The following RASGRP3 variants were observed in gnomAD, a reference collection of about 807,000 sequenced individuals.
The protein encoded by RASGRP3 is RAS guanyl releasing protein 3, also known as ras guanyl-releasing protein 3.
RASGRP3 carries 54 observed loss-of-function variants against 82.7 expected under a neutral mutation model. The observed-to-expected ratio is 0.65, with a 90% CI of 0.52 to 0.82. The LOEUF is 0.82. Ranked by LOEUF, RASGRP3 falls within the 40% of genes least tolerant of loss-of-function variation. RASGRP3 has a pLI of 0.00. For missense variants in RASGRP3, 861 were observed against 828.9 expected (o/e 1.04, Z -0.48); for synonymous variants, 309 against 300.5 (o/e 1.03, Z -0.29).
chr2:33,493,320 G>T (rs1404755347), intron 1 of RASGRP3: 1 of 152,364 alleles, frequency 6.6e-6, no homozygotes, highest in Non-Finnish European at 1.5e-5. Context: ...AGAATCTGGG[G>T]ACAACAACAG....
At chr2:33,515,902 A>G (rs1014121464) in intron 3 of RASGRP3, among the ~76,000 whole-genome samples, 5 of 152,256 alleles carry the variant, frequency 3.3e-5, no homozygotes, top group African/African-American at 1.2e-4. Context: ...ATGACCAGTT[A>G]CATTTGAATT....
chr2:33,525,492 C>T (rs1358919689), intron 9 of RASGRP3, among the ~76,000 whole-genome samples: 1 of 151,684 alleles, frequency 6.6e-6, no homozygotes, highest in Non-Finnish European at 1.5e-5. Flanking sequence ...GTGCACTTTG[C>T]TACTTCAATA....
At chr2:33,485,434 T>C (rs1208729269) in intron 1 of RASGRP3, among the ~76,000 whole-genome samples, 1 of 152,244 alleles carries the variant, frequency 6.6e-6, no homozygotes, top group Non-Finnish European at 1.5e-5. Flanking sequence ...AGGTGTTCTC[T>C]CAACTGTGCT....
chr2:33,524,483 C>G lies in RASGRP3; in HGVS notation c.742C>G (p.Leu248Val). Residue 248 changes from leucine (L) to valine (V), a missense_variant, in exon 9 of 18, where the codon CTC becomes GTC. Coordinates refer to ENST00000403687, the MANE Select transcript of RASGRP3 (RefSeq NM_001139488.2). ...CACCCTGATGGCAGTGGTGGGAGGC[C>G]TCAGTCATAGTTCCATTTCACGCCT... ...FNTLMAVVGGLSHSSISRLKE... is the reference protein window; with the variant it reads ...FNTLMAVVGGVSHSSISRLKE... 6.2e-7 allele frequency: 1 copy of G among 1,606,266 alleles called. No individual in the cohort carries two copies. The highest frequency in any genetic ancestry group is 8.5e-7 in the Non-Finnish European group (1 of 1,176,294).
intron 1 of RASGRP3, among the ~76,000 whole-genome samples, chr2:33,492,281 G>A (rs893505296): frequency 6.6e-6 from 1 of 152,198 alleles, no homozygotes; most frequent in Admixed American, 6.5e-5. Flanking sequence ...ACCTTTGTGT[G>A]TTTGAGTAAA....
intron 2 of RASGRP3, among the ~76,000 whole-genome samples, chr2:33,471,536 TTTTC>T (rs1667062167): frequency 6.6e-6 from 1 of 151,902 alleles, no homozygotes; most frequent in Non-Finnish European, 1.5e-5. Flanking sequence ...TAGTCTGTGG[TTTTC>T]TTTATTATGC....
At chr2:33,511,640 C>T (rs905791336) in intron 1 of RASGRP3, 70 bp from the exon 2 acceptor site, 2 of 152,622 alleles carry the variant, frequency 1.3e-5, no homozygotes, top group Non-Finnish European at 2.9e-5. Context: ...AATGCTTTAA[C>T]ACAATGTGGA....
chr2:33,470,990 G>A (rs984209850), intron 2 of RASGRP3, among the ~76,000 whole-genome samples: 7 of 152,062 alleles, frequency 4.6e-5, no homozygotes, highest in African/African-American at 1.4e-4. Context: ...TAAATGGATG[G>A]TAGTGATAAT....
chr2:33,438,501 G>A (rs1475903973), intron 1 of RASGRP3, among the ~76,000 whole-genome samples: 1 of 151,150 alleles, frequency 6.6e-6, no homozygotes, highest in Non-Finnish European at 1.5e-5. Context: ...GGTGGAGGTT[G>A]CAGTGAGCCG....
chr2:33,548,670 A>C (rs1348352676), intron 13 of RASGRP3, among the ~76,000 whole-genome samples: 1 of 152,072 alleles, frequency 6.6e-6, no homozygotes, highest in African/African-American at 2.4e-5. Context: ...AAGAAGCAAG[A>C]TAGAGCTCAC....
chr2:33,555,700 A>G, intron 15 of RASGRP3, 133 bp downstream of exon 15: 1 of 757,258 alleles, frequency 1.3e-6, no homozygotes, highest in South Asian at 1.7e-5. Context: ...GCAACTGAGA[A>G]TGATTGCCTC....
chr2:33,465,791 G>C (rs1024589580), intron 2 of RASGRP3, among the ~76,000 whole-genome samples: 3 of 152,206 alleles, frequency 2.0e-5, no homozygotes, highest in African/African-American at 7.2e-5. Flanking sequence ...TGCAGCTGGT[G>C]ACTTTAAGTT....
At chr2:33,443,526 C>G (rs930120500) in intron 1 of RASGRP3, among the ~76,000 whole-genome samples, 24 of 151,978 alleles carry the variant, frequency 1.6e-4, no homozygotes, top group African/African-American at 4.8e-4. Flanking sequence ...GAGTAAAATT[C>G]GGCAGCAGCT....
upstream of RASGRP3, among the ~76,000 whole-genome samples, chr2:33,471,826 G>C (rs1276202164): frequency 6.6e-6 from 1 of 151,838 alleles, no homozygotes; most frequent in South Asian, 2.1e-4. Context: ...TTGATATGTG[G>C]TATTCTCATC....
chr2:33,529,109 G>A (rs1178152683), intron 10 of RASGRP3, among the ~76,000 whole-genome samples: 2 of 152,106 alleles, frequency 1.3e-5, no homozygotes, highest in African/African-American at 4.8e-5. Context: ...AGATAATAAT[G>A]GGGTAGGGAA....
Position 33,558,235 on chromosome 2 carries a change from A to T in RASGRP3, c.1604A>T (p.Gln535Leu). ...GACTGTGGAGCCAATTGTCACAAAC[A>T]GTGCAAAGACCTCCTGGTTCTGGCC... is the stretch of plus-strand genomic sequence containing the variant. ...CKDCGANCHK[Q>L]CKDLLVLACR... The change falls in exon 16 of 18, where the codon CAG becomes CTG. Residue 535 changes from glutamine to leucine, a missense_variant. Coordinates refer to ENST00000403687, the MANE Select transcript of RASGRP3 (RefSeq NM_001139488.2). 1 of 1,612,078 alleles carries T rather than the reference A, an allele frequency of 6.2e-7. No individual in the cohort carries two copies. The highest frequency in any genetic ancestry group is 1.1e-5 in the South Asian group (1 of 90,486).
At chr2:33,440,258 G>A (rs554528752) in intron 1 of RASGRP3, among the ~76,000 whole-genome samples, 25 of 152,272 alleles carry the variant, frequency 1.6e-4, no homozygotes, top group African/African-American at 4.6e-4. Flanking sequence ...GCACTTACTC[G>A]ATGTCAAGCC....
intron 2 of RASGRP3, among the ~76,000 whole-genome samples, chr2:33,451,293 A>G (rs751837822): frequency 1.1e-3 from 174 of 152,202 alleles, no homozygotes; most frequent in Non-Finnish European, 2.1e-3. Flanking sequence ...AGTTCCTTAC[A>G]TATTTTGGAT....
intron 1 of RASGRP3, among the ~76,000 whole-genome samples, chr2:33,478,788 C>G (rs72865967): frequency 6.6e-6 from 1 of 152,286 alleles, no homozygotes; most frequent in South Asian, 2.1e-4. Flanking sequence ...AGAGAGAGCT[C>G]AAGGCTTCCA....
Sources: gnomAD v4.1 joint callset for allele counts (sites outside exome capture counted in the v4.1 genomes callset) on GRCh38, gnomAD v4.1.1 for gene constraint, MANE v1.5 for transcripts, NCBI Gene and HGNC (gene_info 2026-07-23, HGNC 2026-07-21) for gene names.